Variants in DACH1 observed in about 807,000 individuals in gnomAD.
DACH1 encodes dachshund homolog 1.
Under a neutral mutation model 54.2 loss-of-function variants are expected in DACH1, and 12 were observed. The ratio of observed to expected loss-of-function variants is 0.22; its 90% confidence interval spans 0.14 to 0.36. The LOEUF is 0.36. Ranked by LOEUF, DACH1 falls within the 10% of genes least tolerant of loss-of-function variation. The pLI is 1.00. For synonymous variants in DACH1, 386 were observed against 366.2 expected (o/e 1.05, Z -0.62); for missense variants, 805 against 929.8 (o/e 0.87, Z 1.75).
At chr13:71,604,854 T>G (rs560643139) in intron 3 of DACH1, among the ~76,000 whole-genome samples, 7 of 152,038 alleles carry the variant, frequency 4.6e-5, no homozygotes, top group African/African-American at 1.7e-4. Flanking sequence ...CTCTCTTGCA[T>G]ATCAGTAATT....
intron 3 of DACH1, among the ~76,000 whole-genome samples, chr13:71,577,404 C>T (rs1001971000): frequency 6.6e-5 from 10 of 152,192 alleles, no homozygotes; most frequent in African/African-American, 2.4e-4. Flanking sequence ...CTGTCAGTTG[C>T]TGTCCTTTCA....
intron 3 of DACH1, among the ~76,000 whole-genome samples, chr13:71,625,052 A>T (rs1876541804): frequency 6.6e-6 from 1 of 151,982 alleles, no homozygotes; most frequent in African/African-American, 2.4e-5. Flanking sequence ...CACCTGTCAT[A>T]GCATGCTATG....
Position 71,822,745 on chromosome 13 carries a change from C to A in DACH1, c.848+43177G>T, listed in dbSNP as rs144914874. On this transcript the variant is annotated intron_variant, in intron 1 of 10. Coordinates refer to ENST00000613252, the MANE Select transcript of DACH1 (RefSeq NM_080759.6). ...GTAAGGGTTTTTCAAAATCTCCATG[C>A]TGGAGCAAGTGGCTAATAGTTCACT... 1.5e-3 allele frequency among the ~76,000 whole-genome samples: 235 copies of A among 152,170 alleles called. 1 individual carries two copies. Among genetic ancestry groups the A allele is most frequent in the African/African-American group, 5.3e-3 (221 of 41,514 alleles).
At chr13:71,549,106 GA>G (rs910698871) in intron 6 of DACH1, among the ~76,000 whole-genome samples, 11 of 149,336 alleles carry the variant, frequency 7.4e-5, no homozygotes, top group Middle Eastern at 3.4e-3. Context: ...TAAATTGCAG[GA>G]AAAAAAAACT....
chr13:71,692,010 T>TACACACACACACAC (rs34800453), intron 1 of DACH1, among the ~76,000 whole-genome samples: 2 of 140,030 alleles, frequency 1.4e-5, no homozygotes, highest in Admixed American at 1.4e-4. Context: ...AGCCCCCCAT[T>TACACACACACACAC]ACACACACAC....
intron 10 of DACH1, among the ~76,000 whole-genome samples, chr13:71,447,779 G>A (rs1874602612): frequency 6.7e-6 from 1 of 149,450 alleles, no homozygotes; most frequent in South Asian, 2.1e-4. Context: ...GTTGCAGTGA[G>A]CCAAGATTGC....
intron 8 of DACH1, among the ~76,000 whole-genome samples, chr13:71,476,339 T>C (rs1261791732): frequency 6.6e-6 from 1 of 152,170 alleles, no homozygotes; most frequent in Non-Finnish European, 1.5e-5. Flanking sequence ...TTAGACCAAC[T>C]CAGTTTTTAA....
intron 1 of DACH1, among the ~76,000 whole-genome samples, chr13:71,707,273 G>A (rs2079632205): frequency 6.6e-6 from 1 of 152,244 alleles, no homozygotes. Flanking sequence ...CATGCAACCT[G>A]TGCAGCTGCA....
intron 2 of DACH1, among the ~76,000 whole-genome samples, chr13:71,641,288 T>C (rs555874148): frequency 6.6e-6 from 1 of 152,200 alleles, no homozygotes; most frequent in African/African-American, 2.4e-5. Context: ...GAATAAAGAA[T>C]ACAGACACAC....
At chr13:71,495,353 A>G (rs1879317011) in intron 6 of DACH1, among the ~76,000 whole-genome samples, 1 of 151,966 alleles carries the variant, frequency 6.6e-6, no homozygotes, top group Admixed American at 6.6e-5. Flanking sequence ...TACAGAAGTA[A>G]ACAATTACTT....
At chr13:71,727,201 G>A (rs1375893921) in intron 1 of DACH1, among the ~76,000 whole-genome samples, 1 of 152,026 alleles carries the variant, frequency 6.6e-6, no homozygotes, top group African/African-American at 2.4e-5. Context: ...TCATTCATAA[G>A]ATTTATGGAT....
intron 6 of DACH1, among the ~76,000 whole-genome samples, chr13:71,535,240 G>A (rs185402397): frequency 0.015 from 2,213 of 151,876 alleles, 52 homozygotes; most frequent in African/African-American, 0.05. Flanking sequence ...AAACCTTAAA[G>A]AAGCATATTT....
rs569781078 is a variant in DACH1, at chr13:71,527,734, G to A, written c.1570+29290C>T. ...GTCTGGCTTAAATTAACATATCTCA[G>A]CAGTCAGAAGTCATTAAGCTTTGCC... On this transcript the variant is annotated intron_variant, in intron 6 of 10. Transcript: ENST00000613252. Among the ~76,000 whole-genome samples, 9 of 152,220 alleles carry A rather than the reference G, an allele frequency of 5.9e-5. No individual in the cohort carries two copies. In the East Asian group the frequency reaches 1.5e-3, roughly 26 times the overall value.
chr13:71,818,015 G>C (rs559800884), intron 1 of DACH1, among the ~76,000 whole-genome samples: 1 of 151,812 alleles, frequency 6.6e-6, no homozygotes, highest in Non-Finnish European at 1.5e-5. Context: ...GTTTCACCAT[G>C]CTGGCCAGAC....
chr13:71,724,603 C>A (rs998189229), intron 1 of DACH1, among the ~76,000 whole-genome samples: 1 of 151,956 alleles, frequency 6.6e-6, no homozygotes, highest in Admixed American at 6.6e-5. Context: ...TTATACACAG[C>A]AAAGTAGATG....
At chr13:71,460,166 A>G (rs1875947778) in intron 10 of DACH1, among the ~76,000 whole-genome samples, 1 of 152,100 alleles carries the variant, frequency 6.6e-6, no homozygotes, top group African/African-American at 2.4e-5. Context: ...ATATTTACAC[A>G]TTAGTTTAGA....
At chr13:71,457,666 G>A (rs886162468) in intron 10 of DACH1, among the ~76,000 whole-genome samples, 3 of 151,906 alleles carry the variant, frequency 2.0e-5, no homozygotes, top group African/African-American at 4.8e-5. Context: ...TGTTGCCTTC[G>A]TTGCTCTTAT....
chr13:71,524,005 C>G (rs1881784049), intron 6 of DACH1, among the ~76,000 whole-genome samples: 1 of 152,102 alleles, frequency 6.6e-6, no homozygotes, highest in Non-Finnish European at 1.5e-5. Flanking sequence ...AGATCCAATG[C>G]TGTTTTTGCA....
intron 7 of DACH1, among the ~76,000 whole-genome samples, chr13:71,481,415 G>A (rs1459909023): frequency 2.6e-5 from 4 of 152,170 alleles, no homozygotes; most frequent in African/African-American, 9.7e-5. Context: ...ACTCTAATTT[G>A]TGTAATTTTA....
Sources: allele counts gnomAD v4.1 joint callset (sites outside exome capture counted in the v4.1 genomes callset), GRCh38; gene constraint gnomAD v4.1.1; transcripts MANE v1.5; gene names NCBI Gene and HGNC (gene_info 2026-07-23, HGNC 2026-07-21).